The following DUX4 variants were observed in gnomAD, a reference collection of about 807,000 sequenced individuals.
The protein encoded by DUX4 is double homeobox protein 4.
At chr4:190,178,093 G>T (rs1742404405), downstream of DUX4, among the ~76,000 whole-genome samples, 2 of 1,300 alleles carry the variant, frequency 1.5e-3, no homozygotes, top group Non-Finnish European at 3.6e-3. Flanking sequence ...TGTAGGCAGA[G>T]CCTAGACAAG....
chr4:190,175,708 T>A lies in DUX4; in HGVS notation c.*298T>A. 1 of 166,848 alleles carries A rather than the reference T, an allele frequency of 6.0e-6. No homozygotes were observed. The highest frequency in any genetic ancestry group is 1.1e-5 in the Non-Finnish European group (1 of 87,254). The allele number at this position is 166,848 out of a possible 1,614,324, so 10.3% of individuals were successfully genotyped here. On this transcript the variant is annotated 3_prime_UTR_variant, in exon 2 of 2. Coordinates refer to ENST00000565211, the MANE Select transcript of DUX4 (RefSeq NM_001306068.3). The stretch of plus-strand genomic sequence containing the variant: ...GGAGCTCGCTGGCCTCTCTGTGCCC[T>A]TGTTCTTCCGTGAAATTCTGGCTGA...
downstream of DUX4, among the ~76,000 whole-genome samples, chr4:190,180,010 T>TGAGC (rs1742525168): frequency 2.2e-3 from 198 of 90,350 alleles, no homozygotes; most frequent in Admixed American, 2.5e-3. Context: ...GAGCTTAAAC[T>TGAGC]AGAGTTACAT....
chr4:190,181,229 A>T (rs1553983609), intron 1 of DUX4, among the ~76,000 whole-genome samples: 42 of 147,314 alleles, frequency 2.9e-4, no homozygotes, highest in Middle Eastern at 3.9e-3. Context: ...TTGCCCCCAT[A>T]GGCAAATCCA....
chr4:190,177,129 T>C (rs1742343189), downstream of DUX4, among the ~76,000 whole-genome samples: 19 of 148,832 alleles, frequency 1.3e-4, no homozygotes, highest in Admixed American at 2.7e-4. Flanking sequence ...ATGTCCCCTG[T>C]AGGCAGAGAG....
At chr4:190,177,779 A>T (rs1579833293), downstream of DUX4, among the ~76,000 whole-genome samples, 204 of 144,654 alleles carry the variant, frequency 1.4e-3, no homozygotes, top group South Asian at 1.6e-3. Context: ...CACCTGGGTG[A>T]TCAGTGCAGA....
At chr4:190,177,075 G>A (rs1742340440), downstream of DUX4, among the ~76,000 whole-genome samples, 1 of 147,904 alleles carries the variant, frequency 6.8e-6, no homozygotes. Context: ...AGAGTATAGA[G>A]AAGAGTCCCA....
chr4:190,178,508 C>A (rs1742429691), downstream of DUX4, among the ~76,000 whole-genome samples: 436 of 112,688 alleles, frequency 3.9e-3, 1 homozygote, highest in East Asian at 0.02. Context: ...TAGGCAGATC[C>A]TAGACAAGAG....
At chr4:190,177,462 AG>A (rs1742368873), downstream of DUX4, among the ~76,000 whole-genome samples, 1 of 146,478 alleles carries the variant, frequency 6.8e-6, no homozygotes, top group Non-Finnish European at 1.5e-5. Context: ...TATGTCACAA[AG>A]CCCCCTGTAG....
At chr4:190,177,710 G>T (rs1742381778), downstream of DUX4, among the ~76,000 whole-genome samples, 49 of 149,164 alleles carry the variant, frequency 3.3e-4, no homozygotes, top group Admixed American at 7.3e-4. Flanking sequence ...TCACCTGCGT[G>T]ATCACTGCAG....
chr4:190,176,040 A>G (rs1180295462), downstream of DUX4, among the ~76,000 whole-genome samples: 3 of 110,338 alleles, frequency 2.7e-5, no homozygotes, highest in African/African-American at 7.9e-5. Context: ...TCGTGTAGAC[A>G]GAGCCTAGAC....
chr4:190,179,040 T>TAATG (rs1742473832), downstream of DUX4, among the ~76,000 whole-genome samples: 2 of 101,966 alleles, frequency 2.0e-5, no homozygotes, highest in East Asian at 4.2e-4. Flanking sequence ...CAAAGTCCCT[T>TAATG]TAGGCAGATC....
chr4:190,176,045 C>G (rs1210608157), downstream of DUX4, among the ~76,000 whole-genome samples: 2 of 111,438 alleles, frequency 1.8e-5, 1 homozygote, highest in Non-Finnish European at 4.2e-5. Context: ...TAGACAGAGC[C>G]TAGACAATTG....
chr4:190,179,395 GAC>G (rs1742490328), downstream of DUX4, among the ~76,000 whole-genome samples: 29 of 150,794 alleles, frequency 1.9e-4, no homozygotes, highest in Non-Finnish European at 2.4e-4. Flanking sequence ...GCAGAGCCTT[GAC>G]AAGTGGTACA....
chr4:190,181,496 C>CA (rs1742574426), intron 1 of DUX4, among the ~76,000 whole-genome samples: 3 of 47,442 alleles, frequency 6.3e-5, no homozygotes, highest in Admixed American at 2.5e-4. Flanking sequence ...TCACAAGGCC[C>CA]CCTATAGGCA....
downstream of DUX4, among the ~76,000 whole-genome samples, chr4:190,178,840 G>A (rs1457526985): frequency 0.053 from 5,126 of 97,056 alleles, no homozygotes; most frequent in Middle Eastern, 0.12. Flanking sequence ...TTCCCCTGTA[G>A]GCAGAGCTTA....
downstream of DUX4, among the ~76,000 whole-genome samples, chr4:190,178,105 G>T (rs1579833829): frequency 4.5e-4 from 27 of 59,392 alleles, 1 homozygote; most frequent in Non-Finnish European, 5.2e-4. Context: ...CTAGACAAGA[G>T]TTACATAACC....
chr4:190,176,449 A>T (rs1742308089), downstream of DUX4, among the ~76,000 whole-genome samples: 1 of 110,488 alleles, frequency 9.1e-6, no homozygotes, highest in African/African-American at 2.7e-5. Flanking sequence ...CCTTGTAGGC[A>T]GGGCCTAGAC....
chr4:190,175,662 G>C lies in DUX4; in HGVS notation c.*252G>C, dbSNP rs1280092283. ...TCCTGGCTAGACCTGCGCGCAGTGC[G>C]CACCCCGGCTGACGTGCAAGGGAGC... On this transcript the variant is annotated 3_prime_UTR_variant, in exon 2 of 2. Coordinates refer to ENST00000565211, the MANE Select transcript of DUX4 (RefSeq NM_001306068.3). 8 of 162,526 alleles carry C rather than the reference G, an allele frequency of 4.9e-5. No individual in the cohort carries two copies. Among genetic ancestry groups the C allele is most frequent in the African/African-American group, 2.1e-4 (8 of 37,486 alleles). 10.1% of individuals were successfully genotyped at this position (162,526 alleles called of 1,614,324 possible). A position where few individuals can be genotyped will look rare whatever the true frequency, so the allele number is the denominator to read the frequency against.
chr4:190,176,502 A>T (rs1185986919), downstream of DUX4, among the ~76,000 whole-genome samples: 2 of 108,886 alleles, frequency 1.8e-5, no homozygotes, highest in Non-Finnish European at 4.3e-5. Flanking sequence ...GATATGTGAG[A>T]ATTCCCGTGT....
Sources: gnomAD v4.1 joint callset for allele counts (sites outside exome capture counted in the v4.1 genomes callset) on GRCh38, gnomAD v4.1.1 for gene constraint, MANE v1.5 for transcripts, NCBI Gene and HGNC (gene_info 2026-07-23, HGNC 2026-07-21) for gene names.